The following ZNF480 variants were observed in gnomAD, a reference collection of about 807,000 sequenced individuals.
ZNF480 encodes the protein zinc finger protein 480.
In ZNF480, 15 loss-of-function variants were observed where a neutral mutation model predicts 14.4. The observed-to-expected ratio is 1.04, with a 90% CI of 0.70 to 1.60. ZNF480 has a LOEUF of 1.60. Among genes scored for constraint, ZNF480 ranks in the 40% most tolerant of loss-of-function variants. The pLI, the probability that ZNF480 is intolerant of heterozygous loss-of-function variation, is 0.00. For missense variants in ZNF480, 593 were observed against 629.7 expected (o/e 0.94, Z 0.62); for synonymous variants, 218 against 215.5 (o/e 1.01, Z -0.10).
At chr19:52,300,680 C>A (rs895363306) in intron 2 of ZNF480, 196 bp downstream of exon 2, 1 of 897,406 alleles carries the variant, frequency 1.1e-6, no homozygotes, top group African/African-American at 1.7e-5. Context: ...ATTAAAGACA[C>A]AGACACAAGA....
intron 1 of ZNF480, 70 bp from the exon 2 acceptor site, chr19:52,300,324 G>A: frequency 6.5e-7 from 1 of 1,527,774 alleles, no homozygotes; most frequent in Admixed American, 1.7e-5. Flanking sequence ...TCTAACCTGT[G>A]TGTGTGATTG....
At position 52,325,807 on chromosome 19, in the gene ZNF480, GGTACT is replaced by G. The variant is rs1485159279; in HGVS notation, c.*2950_*2954del. 6.6e-6 allele frequency: 1 copy of G among 152,124 alleles called. No homozygotes were observed. Among genetic ancestry groups the G allele is most frequent in the African/African-American group, 2.4e-5 (1 of 41,420 alleles). 9.4% of individuals were successfully genotyped at this position (152,124 alleles called of 1,614,324 possible). ...ATGAAGATTGAATAACTGCCTGTTG[GGTACT>G]ATGCTGATTACCTGGGGACAAAATT... is the stretch of plus-strand genomic sequence containing the variant. On this transcript the variant is annotated 3_prime_UTR_variant, in exon 5 of 5. Coordinates refer to ENST00000595962, the MANE Select transcript of ZNF480 (RefSeq NM_144684.4).
At chr19:52,316,612 A>G in intron 4 of ZNF480, among the ~76,000 whole-genome samples, 1 of 151,576 alleles carries the variant, frequency 6.6e-6, no homozygotes, top group Non-Finnish European at 1.5e-5. Flanking sequence ...CTCAGCCTCC[A>G]TAAGTACTCT....
At position 52,321,886 on chromosome 19, in the gene ZNF480, T is replaced by C; in HGVS notation, c.636T>C (p.Phe212=). The C allele has an allele frequency of 6.2e-7, 1 of 1,614,158 alleles. No homozygotes were observed. Residue 212 remains phenylalanine, a synonymous_variant, in exon 5 of 5, where the codon TTT becomes TTC. Coordinates refer to ENST00000595962, the MANE Select transcript of ZNF480 (RefSeq NM_144684.4). ...PYECNEHSKV[F]RVSSSLTKHQ... is the part of the protein sequence containing the mutation. ...AATGTAATGAGCATAGCAAAGTCTT[T>C]AGAGTATCTTCCAGCCTTACTAAAC...
At position 52,321,954 on chromosome 19, in the gene ZNF480, C is replaced by A. The variant is rs761099579; in HGVS notation, c.704C>A (p.Ser235Ter). 4 of 1,612,314 alleles carry A rather than the reference C, an allele frequency of 2.5e-6. No individual in the cohort carries two copies. Among genetic ancestry groups the A allele is most frequent in the Non-Finnish European group, 3.4e-6 (4 of 1,178,622 alleles). ...HTVEKPYKCN[S>*]CGKVFSRNSH... ...GTAGAGAAACCTTACAAATGTAATT[C>A]ATGCGGCAAGGTCTTTAGTCGCAAT... is the stretch of plus-strand genomic sequence containing the variant. The change falls in exon 5 of 5, where the codon TCA (serine) becomes TAA (stop). Residue 235 changes from serine (S) to a stop codon, truncating the protein, a stop_gained. Transcript: ENST00000595962. LOFTEE classifies it low-confidence loss of function (END_TRUNC).
At chr19:52,319,824 T>TTTG (rs1555799212) in intron 4 of ZNF480, among the ~76,000 whole-genome samples, 7 of 139,208 alleles carry the variant, frequency 5.0e-5, no homozygotes, top group South Asian at 2.2e-4. Context: ...TTTTTTTTTT[T>TTTG]TTTTTTTTTT....
chr19:52,322,196 A>G lies in ZNF480; in HGVS notation c.946A>G (p.Lys316Glu), dbSNP rs1174820130. Residue 316 changes from lysine (K) to glutamate (E), a missense_variant, in exon 5 of 5, where the codon AAA becomes GAA. By Grantham distance (56) the Lys-to-Glu change is moderately conservative. Transcript: ENST00000595962. Reference sequence around the variant, plus strand: ...AATTCATGCTGAAGAGAAACCTTACAAATGTAATGAATGTGGTAAAGGCTT... The same window carrying G: ...AATTCATGCTGAAGAGAAACCTTACGAATGTAATGAATGTGGTAAAGGCTT... ...QRIHAEEKPY[K>E]CNECGKGFSH... is the part of the protein sequence containing the mutation. 3 of 1,614,104 alleles carry G rather than the reference A, an allele frequency of 1.9e-6. No individual in the cohort carries two copies. Among genetic ancestry groups the G allele is most frequent in the Non-Finnish European group, 2.5e-6 (3 of 1,180,016 alleles).
chr19:52,318,843 G>T (rs1983675844), intron 4 of ZNF480, among the ~76,000 whole-genome samples: 1 of 151,712 alleles, frequency 6.6e-6, no homozygotes, highest in African/African-American at 2.4e-5. Flanking sequence ...TTTGTTTCTG[G>T]CTTCTCTATT....
chr19:52,307,485 C>G (rs1982994500), intron 2 of ZNF480: 1 of 152,200 alleles, frequency 6.6e-6, no homozygotes, highest in Admixed American at 6.6e-5. Context: ...GGGTTTGAGC[C>G]CCATGTTAGG....
At chr19:52,316,562 A>C (rs12978395) in intron 4 of ZNF480, among the ~76,000 whole-genome samples, 5 of 152,038 alleles carry the variant, frequency 3.3e-5, no homozygotes, top group African/African-American at 7.2e-5. Flanking sequence ...GGGTCTTGCT[A>C]TGTTGATTTT....
In ZNF480 at chr19:52,314,292, C is replaced by A. The variant is rs1161435333; in HGVS notation, c.199+13C>A. 48 of 1,519,360 alleles carry A rather than the reference C, an allele frequency of 3.2e-5. No individual in the cohort carries two copies. The highest frequency in any genetic ancestry group is 4.2e-5 in the Non-Finnish European group (47 of 1,127,038). The allele number at this position is 1,519,360 out of a possible 1,614,324, so 94.1% of individuals were successfully genotyped here. A position where few individuals can be genotyped will look rare whatever the true frequency, so the allele number is the denominator to read the frequency against. The stretch of plus-strand genomic sequence containing the variant: ...CTGGTCTCCCTGGGTGAGGATCATG[C>A]CCCTGCAGAAGCCGGGATCTGCCCT... On this transcript the variant is annotated intron_variant, in intron 3 of 4. Transcript: ENST00000595962.
intron 2 of ZNF480, among the ~76,000 whole-genome samples, chr19:52,311,870 C>G (rs1435682010): frequency 6.6e-6 from 1 of 151,986 alleles, no homozygotes; most frequent in Non-Finnish European, 1.5e-5. Flanking sequence ...ACAGACAACT[C>G]CTATTTCAGT....
At position 52,306,053 on chromosome 19, in the gene ZNF480, A is replaced by G. The variant is rs192627230; in HGVS notation, c.72+5569A>G. On this transcript the variant is annotated intron_variant, in intron 2 of 4. Transcript: ENST00000595962. ...TGGAGTATTTCCTTTACCCACTTTC[A>G]GTCCTGCCATTGCCTGGGCTAGCAG... Among the ~76,000 whole-genome samples, 1,011 of 152,268 alleles carry G rather than the reference A, an allele frequency of 6.6e-3. 6 individuals carry two copies. The highest frequency in any genetic ancestry group is 0.023 in the African/African-American group (952 of 41,550).
At chr19:52,298,532 GA>G (rs1982526511) in intron 1 of ZNF480, among the ~76,000 whole-genome samples, 1 of 152,094 alleles carries the variant, frequency 6.6e-6, no homozygotes, top group African/African-American at 2.4e-5. Context: ...TCAGGAGGCT[GA>G]GGCAGGAGAA....
intron 2 of ZNF480, among the ~76,000 whole-genome samples, chr19:52,306,179 G>C (rs1002194731): frequency 4.6e-5 from 7 of 152,174 alleles, no homozygotes. Flanking sequence ...TTGGCACTCA[G>C]GATTGGCATT....
At chr19:52,307,086 C>G (rs1223873129) in intron 2 of ZNF480, among the ~76,000 whole-genome samples, 13 of 152,108 alleles carry the variant, frequency 8.5e-5, no homozygotes, top group Non-Finnish European at 1.9e-4. Context: ...TGGAAAGGCT[C>G]CAAGGTGGAA....
In ZNF480 at chr19:52,325,476, A is replaced by G. The variant is rs1416299885; in HGVS notation, c.*2618A>G. ...CATAAAGACAAACACTTGTATGTTC[A>G]TTGCAGCACTATTCTCAATAGCAAA... On this transcript the variant is annotated 3_prime_UTR_variant, in exon 5 of 5. Transcript: ENST00000595962. 1 of 152,242 alleles carries G rather than the reference A, an allele frequency of 6.6e-6. No individual in the cohort carries two copies. The highest frequency in any genetic ancestry group is 1.9e-4 in the East Asian group (1 of 5,206). 9.4% of individuals were successfully genotyped at this position (152,242 alleles called of 1,614,324 possible). A position where few individuals can be genotyped will look rare whatever the true frequency, so the allele number is the denominator to read the frequency against.
chr19:52,306,744 G>A (rs551665815), intron 2 of ZNF480, among the ~76,000 whole-genome samples: 1 of 152,258 alleles, frequency 6.6e-6, no homozygotes, highest in South Asian at 2.1e-4. Context: ...TTGATCAGGT[G>A]GGTGTATTCT....
At chr19:52,313,798 G>T (rs541895768) in intron 2 of ZNF480, 4 of 445,844 alleles carry the variant, frequency 9.0e-6, no homozygotes, top group African/African-American at 8.0e-5. Context: ...GGCCAACGTG[G>T]TGAAATTCCA....
Sources: allele counts gnomAD v4.1 joint callset (sites outside exome capture counted in the v4.1 genomes callset), GRCh38; gene constraint gnomAD v4.1.1; transcripts MANE v1.5; gene names NCBI Gene and HGNC (gene_info 2026-07-23, HGNC 2026-07-21).